SIDT1: variants seen among roughly 807,000 people sequenced by gnomAD.
The protein encoded by SIDT1 is SID1 transmembrane family member 1.
Under a neutral mutation model 107.5 loss-of-function variants are expected in SIDT1, and 101 were observed. That is an observed-to-expected ratio of 0.94 (90% CI 0.80 to 1.11). The LOEUF is 1.11. Among genes scored for constraint, SIDT1 ranks in the 50% least tolerant of loss-of-function variants. SIDT1 has a pLI of 0.00. For synonymous variants in SIDT1, 395 were observed against 398.2 expected, an observed-to-expected ratio of 0.99 and a Z score of 0.10; for missense variants, 1,076 against 1,058.2, an observed-to-expected ratio of 1.02 and a Z score of -0.23.
intron 17 of SIDT1, among the ~76,000 whole-genome samples, chr3:113,609,113 A>G (rs1945558079): frequency 8.3e-6 from 1 of 120,686 alleles, no homozygotes; most frequent in African/African-American, 3.2e-5. Flanking sequence ...CCCAGGCTGG[A>G]GTGCAGTGGC....
At chr3:113,576,898 C>T (rs764863559) in intron 3 of SIDT1, 24 bp from the exon 4 acceptor site, 22 of 1,613,204 alleles carry the variant, frequency 1.4e-5, no homozygotes, top group Non-Finnish European at 1.7e-6. Context: ...TTCCCCTTTC[C>T]CTTCTGCCAC....
chr3:113,618,805 G>A (rs1946273024), intron 20 of SIDT1, among the ~76,000 whole-genome samples: 1 of 152,196 alleles, frequency 6.6e-6, no homozygotes, highest in African/African-American at 2.4e-5. Context: ...CTCTGTCAGA[G>A]TAATTGTCAT....
chr3:113,626,654 G>A (rs1258242493), intron 24 of SIDT1, among the ~76,000 whole-genome samples: 4 of 152,070 alleles, frequency 2.6e-5, no homozygotes, highest in African/African-American at 9.7e-5. Flanking sequence ...AGTGGCTTGG[G>A]GTAGCAGCCA....
chr3:113,608,318 G>GT (rs1945487373), intron 16 of SIDT1, 101 bp downstream of exon 16: 1 of 1,526,470 alleles, frequency 6.6e-7, no homozygotes, highest in South Asian at 1.2e-5. Flanking sequence ...TTTATTATGT[G>GT]TAATAAACTA....
intron 1 of SIDT1, among the ~76,000 whole-genome samples, chr3:113,561,036 T>C (rs1033859395): frequency 6.6e-6 from 1 of 152,178 alleles, no homozygotes; most frequent in African/African-American, 2.4e-5. Flanking sequence ...CTTGTTGTCA[T>C]GACAACAGGA....
intron 7 of SIDT1, among the ~76,000 whole-genome samples, chr3:113,583,930 T>C (rs1347782189): frequency 6.6e-6 from 1 of 152,208 alleles, no homozygotes; most frequent in Non-Finnish European, 1.5e-5. Flanking sequence ...TTCAGCATTC[T>C]GCATCTCAGT....
Position 113,628,817 on chromosome 3 carries a change from A to C in SIDT1, c.*1109A>C, listed in dbSNP as rs1285114957. ...CCTGAGGTTCTCAGAAGCAGCTCTC[A>C]GGATGAACGTATTGTCCTCTTCCCC... On this transcript the variant is annotated 3_prime_UTR_variant, in exon 25 of 25. Transcript: ENST00000264852. 2 of 152,250 alleles carry C rather than the reference A, an allele frequency of 1.3e-5. No individual in the cohort carries two copies. Among genetic ancestry groups the C allele is most frequent in the Non-Finnish European group, 2.9e-5 (2 of 68,058 alleles). The allele number at this position is 152,250 out of a possible 1,614,324, so 9.4% of individuals were successfully genotyped here.
At chr3:113,620,776 T>C (rs556457735) in intron 21 of SIDT1, among the ~76,000 whole-genome samples, 1 of 152,334 alleles carries the variant, frequency 6.6e-6, no homozygotes, top group East Asian at 1.9e-4. Context: ...TCCACAGTCC[T>C]GGTGGTCCTG....
chr3:113,604,946 C>T lies in SIDT1; in HGVS notation c.1374C>T (p.Pro458=), dbSNP rs3732796. 122,285 of 1,613,782 alleles carry T rather than the reference C, an allele frequency of 0.076. 4,988 individuals are homozygous for T. The highest frequency in any genetic ancestry group is 0.14 in the East Asian group (6,234 of 44,870). The change falls in exon 14 of 25, where the codon CCC becomes CCT. Residue 458 remains proline (P), a synonymous_variant. Transcript: ENST00000264852. ...CCATTGCTGTGTTTTACGCGCTGCCCGTGATCCAGCTGGTCATTACCTATC... is the reference window on the plus strand; with the variant it reads ...CCATTGCTGTGTTTTACGCGCTGCCTGTGATCCAGCTGGTCATTACCTATC... ...IITIAVFYAL[P]VIQLVITYQT...
At position 113,533,211 on chromosome 3, in the gene SIDT1, T is replaced by A. The variant is rs776478763; in HGVS notation, c.190T>A (p.Tyr64Asn). Residue 64 changes from tyrosine to asparagine, a missense_variant, in exon 1 of 25, where the codon TAC becomes AAC. Transcript: ENST00000264852. ...GGTGAACCTCAGCACCGAGAACATC[T>A]ACTCTTTCAACTACACCAGCCAGCC... ...GVVNLSTENI[Y>N]SFNYTSQPDQ... is the part of the protein sequence containing the mutation. 1.3e-6 allele frequency: 2 copies of A among 1,524,498 alleles called. No homozygotes were observed. Among genetic ancestry groups the A allele is most frequent in the Admixed American group, 4.2e-5 (2 of 48,154 alleles). 94.4% of individuals were successfully genotyped at this position (1,524,498 alleles called of 1,614,324 possible). A position where few individuals can be genotyped will look rare whatever the true frequency, so the allele number is the denominator to read the frequency against.
chr3:113,611,148 C>A lies in SIDT1; in HGVS notation c.1857+4C>A, dbSNP rs779393281. On this transcript the variant is annotated splice_donor_region_variant and intron_variant, in intron 18 of 24. Coordinates refer to ENST00000264852, the MANE Select transcript of SIDT1 (RefSeq NM_017699.3). ...CATGGTCACCGTCCTTGGAGTGGTG[C>A]GTCCCCCACCTTCTTCCACCTGGCT... is the stretch of plus-strand genomic sequence containing the variant. The A allele has an allele frequency of 7.3e-5, 118 of 1,612,344 alleles. No individual in the cohort carries two copies. Among genetic ancestry groups the A allele is most frequent in the Non-Finnish European group, 4.2e-6 (5 of 1,179,050 alleles).
chr3:113,596,244 G>A (rs951938976), intron 10 of SIDT1, among the ~76,000 whole-genome samples: 1 of 152,228 alleles, frequency 6.6e-6, no homozygotes, highest in African/African-American at 2.4e-5. Flanking sequence ...CCTTAGACGT[G>A]ACTGAAGTGG....
At chr3:113,552,559 A>T (rs2399488) in intron 1 of SIDT1, among the ~76,000 whole-genome samples, 1 of 151,940 alleles carries the variant, frequency 6.6e-6, no homozygotes. Context: ...CTCAGACAAC[A>T]TTTCGGGACC....
chr3:113,591,499 A>G (rs1944149029), intron 9 of SIDT1, among the ~76,000 whole-genome samples: 1 of 152,176 alleles, frequency 6.6e-6, no homozygotes, highest in African/African-American at 2.4e-5. Context: ...AAAAAAGAAG[A>G]ACGTTAAAGG....
At chr3:113,595,328 T>C (rs1248321941) in intron 10 of SIDT1, among the ~76,000 whole-genome samples, 3 of 152,082 alleles carry the variant, frequency 2.0e-5, no homozygotes, top group African/African-American at 7.2e-5. Flanking sequence ...ATCCCAGCAT[T>C]TGGGGAGGCC....
rs772919117 is a variant in SIDT1, at chr3:113,604,947, G to A, written c.1375G>A (p.Val459Met). 1.5e-5 allele frequency: 25 copies of A among 1,613,824 alleles called. No homozygotes were observed. The highest frequency in any genetic ancestry group is 6.7e-5 in the Admixed American group (4 of 59,982). The change falls in exon 14 of 25, where the codon GTG becomes ATG. Residue 459 changes from valine to methionine, a missense_variant. Transcript: ENST00000264852. ...ITIAVFYALP[V>M]IQLVITYQTV... ...CATTGCTGTGTTTTACGCGCTGCCCGTGATCCAGCTGGTCATTACCTATCA... is the reference window on the plus strand; with the variant it reads ...CATTGCTGTGTTTTACGCGCTGCCCATGATCCAGCTGGTCATTACCTATCA...
intron 1 of SIDT1, among the ~76,000 whole-genome samples, chr3:113,565,637 T>C (rs1941830408): frequency 2.0e-5 from 3 of 152,214 alleles, no homozygotes; most frequent in Admixed American, 2.0e-4. Flanking sequence ...ATTATTGGGT[T>C]GATATGTGTG....
At chr3:113,553,783 C>T (rs1345831283) in intron 1 of SIDT1, among the ~76,000 whole-genome samples, 7 of 152,154 alleles carry the variant, frequency 4.6e-5, no homozygotes, top group East Asian at 1.9e-4. Flanking sequence ...TGGTGGCTCA[C>T]GCCTGTAATC....
At chr3:113,622,778 T>C (rs1181630567) in intron 21 of SIDT1, among the ~76,000 whole-genome samples, 1 of 152,178 alleles carries the variant, frequency 6.6e-6, no homozygotes, top group East Asian at 1.9e-4. Flanking sequence ...AACCGAAGAA[T>C]GTGGGAAGAC....
Sources: gnomAD v4.1 joint callset for allele counts (sites outside exome capture counted in the v4.1 genomes callset) on GRCh38, gnomAD v4.1.1 for gene constraint, MANE v1.5 for transcripts, NCBI Gene and HGNC (gene_info 2026-07-23, HGNC 2026-07-21) for gene names.